The following NBAS variants were observed in gnomAD, a reference collection of about 807,000 sequenced individuals.
NBAS encodes NBAS subunit of NRZ tethering complex.
Under a neutral mutation model 302.5 loss-of-function variants are expected in NBAS, and 219 were observed. That is an observed-to-expected ratio of 0.72 (90% CI 0.65 to 0.81). NBAS has a LOEUF of 0.81. NBAS is among the 30% of genes least tolerant of loss of function. NBAS has a pLI of 0.00. For synonymous variants in NBAS, 1,118 were observed against 1,021.6 expected (o/e 1.09, Z -1.80); for missense variants, 2,932 against 2,841.6 (o/e 1.03, Z -0.72).
intron 40 of NBAS, among the ~76,000 whole-genome samples, chr2:15,293,278 GA>G (rs1670402099): frequency 6.6e-6 from 1 of 152,082 alleles, no homozygotes; most frequent in African/African-American, 2.4e-5. Flanking sequence ...ATAAGTTCGG[GA>G]AAAAACCTCT....
intron 21 of NBAS, among the ~76,000 whole-genome samples, chr2:15,450,986 T>A (rs955543967): frequency 6.6e-6 from 1 of 152,206 alleles, no homozygotes; most frequent in Admixed American, 6.5e-5. Context: ...CCAACAGTAA[T>A]TGATTCTGGG....
intron 44 of NBAS, among the ~76,000 whole-genome samples, chr2:15,258,609 T>C (rs917422685): frequency 1.3e-5 from 2 of 152,140 alleles, no homozygotes; most frequent in African/African-American, 4.8e-5. Context: ...TCTCCTGCAG[T>C]ACCCTTAGGC....
At chr2:14,796,772 A>T in the NBAS span, among the ~76,000 whole-genome samples, 2 of 151,908 alleles carry the variant, frequency 1.3e-5, no homozygotes, top group Non-Finnish European at 2.9e-5. Flanking sequence ...ATTGATTCTG[A>T]GTAATGCTTT....
chr2:15,160,600 G>GGGGGGGGGGGGGGGGGGGGA, the NBAS span, among the ~76,000 whole-genome samples: 1 of 131,012 alleles, frequency 7.6e-6, no homozygotes, highest in Admixed American at 7.6e-5. Context: ...GGAGGGGGGG[G>GGGGGGGGGGGGGGGGGGGGA]GGCAGGAGGC....
At chr2:15,444,477 T>A (rs1469918735) in intron 21 of NBAS, among the ~76,000 whole-genome samples, 1 of 152,010 alleles carries the variant, frequency 6.6e-6, no homozygotes, top group African/African-American at 2.4e-5. Flanking sequence ...CTGGATCCCT[T>A]CCTTACACCT....
chr2:15,202,038 G>C (rs1052338838), intron 48 of NBAS, among the ~76,000 whole-genome samples: 3 of 152,222 alleles, frequency 2.0e-5, no homozygotes, highest in African/African-American at 4.8e-5. Context: ...GTAGGAAAAT[G>C]AGTGCCTGTT....
At chr2:15,209,409 G>A (rs1195671106) in intron 48 of NBAS, among the ~76,000 whole-genome samples, 1 of 151,762 alleles carries the variant, frequency 6.6e-6, no homozygotes, top group Non-Finnish European at 1.5e-5. Flanking sequence ...CCAAACAATA[G>A]AGGAGGAGGA....
intron 38 of NBAS, among the ~76,000 whole-genome samples, chr2:15,325,863 C>A (rs1672040306): frequency 6.6e-6 from 1 of 152,212 alleles, no homozygotes; most frequent in African/African-American, 2.4e-5. Context: ...TAAGCTTAAT[C>A]ATTTCTAGCT....
chr2:15,230,751 G>A (rs1456910849), intron 47 of NBAS, among the ~76,000 whole-genome samples: 1 of 152,184 alleles, frequency 6.6e-6, no homozygotes, highest in African/African-American at 2.4e-5. Context: ...GCTGCGGATG[G>A]CAGCTCCCTG....
chr2:15,513,142 C>T (rs1662221643), intron 9 of NBAS, among the ~76,000 whole-genome samples: 1 of 152,232 alleles, frequency 6.6e-6, no homozygotes, highest in Non-Finnish European at 1.5e-5. Context: ...TTCAAATGCA[C>T]TTTCTTCACA....
intron 45 of NBAS, among the ~76,000 whole-genome samples, chr2:15,236,527 C>CAAAAAAA (rs1167993098): frequency 3.2e-4 from 9 of 28,306 alleles, no homozygotes; most frequent in African/African-American, 4.1e-4. Flanking sequence ...GACCCTGTCT[C>CAAAAAAA]AAAAAAAAAA....
At chr2:15,399,363 G>A (rs1423190317) in intron 26 of NBAS, among the ~76,000 whole-genome samples, 1 of 152,022 alleles carries the variant, frequency 6.6e-6, no homozygotes, top group African/African-American at 2.4e-5. Flanking sequence ...CACCCTCCAG[G>A]GAAAAGCAAT....
At chr2:15,050,663 G>C in the NBAS span, among the ~76,000 whole-genome samples, 1 of 152,198 alleles carries the variant, frequency 6.6e-6, no homozygotes, top group Non-Finnish European at 1.5e-5. Flanking sequence ...CTGGGCTACA[G>C]GCCAGCGTGG....
the NBAS span, among the ~76,000 whole-genome samples, chr2:15,020,025 A>G: frequency 6.6e-6 from 1 of 152,196 alleles, no homozygotes; most frequent in Non-Finnish European, 1.5e-5. Context: ...AAATAAGAAA[A>G]TCAAGGCTGG....
At chr2:14,782,345 G>A in the NBAS span, among the ~76,000 whole-genome samples, 2 of 152,024 alleles carry the variant, frequency 1.3e-5, no homozygotes, top group Non-Finnish European at 2.9e-5. Flanking sequence ...TGGCCAACAA[G>A]CATATGAGAA....
intron 35 of NBAS, among the ~76,000 whole-genome samples, chr2:15,346,833 G>A (rs543975848): frequency 2.6e-5 from 4 of 152,314 alleles, no homozygotes; most frequent in Non-Finnish European, 4.4e-5. Context: ...AAAAAGGTAT[G>A]CAATCATGAC....
chr2:14,812,011 A>G, the NBAS span, among the ~76,000 whole-genome samples: 1 of 152,220 alleles, frequency 6.6e-6, no homozygotes, highest in Non-Finnish European at 1.5e-5. Flanking sequence ...ATTATTTCTC[A>G]TGATTCTGTT....
chr2:15,277,065 G>A lies in NBAS; in HGVS notation c.5175C>T (p.Asp1725=), dbSNP rs538546810. ...TCTTCAAAGTCTCAAAGAGATGAAGGTCTTGGGCTCTATTTTCAATTTCTA... is the reference window on the plus strand; with the variant it reads ...TCTTCAAAGTCTCAAAGAGATGAAGATCTTGGGCTCTATTTTCAATTTCTA... The part of the protein sequence containing the change: ...STLEIENRAQ[D]LHLFETLKTD... Residue 1725 remains aspartate (D), a synonymous_variant, in exon 43 of 52, where the codon GAC becomes GAT. Transcript: ENST00000281513. 14 of 1,613,706 alleles carry A rather than the reference G, an allele frequency of 8.7e-6. No homozygotes were observed. The highest frequency in any genetic ancestry group is 1.0e-5 in the Non-Finnish European group (12 of 1,179,900).
At chr2:15,063,181 G>A in the NBAS span, among the ~76,000 whole-genome samples, 28 of 152,338 alleles carry the variant, frequency 1.8e-4, no homozygotes, top group African/African-American at 6.0e-4. Flanking sequence ...GCCTGACAGA[G>A]AACAGATGCC....
Sources: gnomAD v4.1 joint callset for allele counts (sites outside exome capture counted in the v4.1 genomes callset) on GRCh38, gnomAD v4.1.1 for gene constraint, MANE v1.5 for transcripts, NCBI Gene and HGNC (gene_info 2026-07-23, HGNC 2026-07-21) for gene names.